The following DMD variants were observed in gnomAD, a reference collection of about 807,000 sequenced individuals.
DMD encodes the protein dystrophin.
DMD carries 63 observed loss-of-function variants against 330.1 expected under a neutral mutation model. That is an observed-to-expected ratio of 0.19 (90% CI 0.16 to 0.24). The LOEUF (loss-of-function observed/expected upper bound fraction) is 0.24, where lower values mean the gene tolerates loss of function less well. Among genes scored for constraint, DMD ranks in the 10% least tolerant of loss-of-function variants. DMD has a pLI of 1.00. For synonymous variants in DMD, 1,223 were observed against 959.8 expected (o/e 1.27, Z -5.07); for missense variants, 3,344 against 2,684.1 (o/e 1.25, Z -5.43).
At chrX:32,072,229 G>A (rs954594526) in intron 44 of DMD, among the ~76,000 whole-genome samples, 2 of 110,997 alleles carry the variant, frequency 1.8e-5, no homozygotes, top group African/African-American at 6.5e-5. Context: ...AAAACCCTTT[G>A]CTCTCCAATG....
intron 55 of DMD, among the ~76,000 whole-genome samples, chrX:31,625,767 A>C (rs887509960): frequency 5.4e-5 from 6 of 111,675 alleles, no homozygotes; most frequent in Admixed American, 3.8e-4. Flanking sequence ...GCAGATATAA[A>C]TACAAATTGT....
intron 59 of DMD, among the ~76,000 whole-genome samples, chrX:31,476,397 G>GTGTATATATATATATA (rs796082098): frequency 4.5e-5 from 4 of 88,321 alleles, no homozygotes; most frequent in African/African-American, 1.7e-4. Flanking sequence ...GTGTGTGTGT[G>GTGTATATATATATATA]TATATATATA....
At chrX:33,039,453 C>T (rs2094261249) in intron 1 of DMD, among the ~76,000 whole-genome samples, 1 of 105,340 alleles carries the variant, frequency 9.5e-6, no homozygotes, top group African/African-American at 3.4e-5. Flanking sequence ...TCAGTTTCAA[C>T]ATCACAAATT....
intron 29 of DMD, among the ~76,000 whole-genome samples, chrX:32,430,028 CT>C (rs1396359632): frequency 9.0e-6 from 1 of 110,594 alleles, no homozygotes; most frequent in African/African-American, 3.3e-5. Context: ...TTTTTTTTCA[CT>C]CTGATAATGT....
intron 4 of DMD, among the ~76,000 whole-genome samples, chrX:32,836,074 C>A (rs780015405): frequency 9.1e-6 from 1 of 110,248 alleles, no homozygotes; most frequent in East Asian, 2.9e-4. Context: ...CTCGATCCCC[C>A]AGACTAGAGT....
At chrX:31,521,115 G>A (rs760839427) in intron 55 of DMD, among the ~76,000 whole-genome samples, 5 of 111,418 alleles carry the variant, frequency 4.5e-5, no homozygotes, top group African/African-American at 1.6e-4. Flanking sequence ...ACAGATAAGA[G>A]GATGACTTTA....
intron 1 of DMD, among the ~76,000 whole-genome samples, chrX:33,092,145 T>C (rs995457177): frequency 2.7e-5 from 3 of 111,528 alleles, no homozygotes; most frequent in Non-Finnish European, 3.8e-5. Flanking sequence ...TGACCCAGTA[T>C]ATAAAAGGAT....
At chrX:32,428,418 G>A (rs954694498) in intron 29 of DMD, among the ~76,000 whole-genome samples, 8 of 111,139 alleles carry the variant, frequency 7.2e-5, no homozygotes, top group African/African-American at 2.6e-4. Context: ...ACTCTGATTT[G>A]GGGTTCTCTA....
chrX:33,059,920 A>G (rs2094562370), intron 1 of DMD, among the ~76,000 whole-genome samples: 1 of 112,196 alleles, frequency 8.9e-6, no homozygotes, highest in African/African-American at 3.2e-5. Flanking sequence ...TATCTGTTCT[A>G]CATAGATTGA....
intron 1 of DMD, among the ~76,000 whole-genome samples, chrX:33,106,964 G>A (rs1337557429): frequency 8.9e-6 from 1 of 111,868 alleles, no homozygotes; most frequent in African/African-American, 3.2e-5. Context: ...TCAGGTAGAT[G>A]TCACAGCGCA....
chrX:32,261,105 C>T (rs759687786), intron 43 of DMD, among the ~76,000 whole-genome samples: 2 of 111,627 alleles, frequency 1.8e-5, no homozygotes, highest in African/African-American at 3.3e-5. Flanking sequence ...AGTCTCTGCC[C>T]GGTTTCATTG....
At chrX:33,148,545 T>G (rs1367973597) in intron 1 of DMD, among the ~76,000 whole-genome samples, 4 of 112,112 alleles carry the variant, frequency 3.6e-5, no homozygotes, top group African/African-American at 1.3e-4. Context: ...ACAAGAATGT[T>G]TTCTAGATAT....
At chrX:32,595,976 C>T in intron 12 of DMD, 100 bp from the exon 13 acceptor site, 4 of 775,383 alleles carry the variant, frequency 5.2e-6, no homozygotes, top group Non-Finnish European at 7.8e-6. Flanking sequence ...TGCTACATCT[C>T]AGGTACTCCC....
chrX:33,064,496 T>C (rs1028635794), intron 1 of DMD, among the ~76,000 whole-genome samples: 2 of 112,329 alleles, frequency 1.8e-5, no homozygotes, highest in East Asian at 5.5e-4. Context: ...TACAGATTGT[T>C]GACACCACCG....
rs373480671 is a variant in DMD at position 32,365,177 on chromosome X, T to C, written c.4868A>G (p.Lys1623Arg). Residue 1623 changes from lysine (K) to arginine (R), a missense_variant, in exon 35 of 79, where the codon AAA becomes AGA. Coordinates refer to ENST00000357033, the MANE Select transcript of DMD (RefSeq NM_004006.3). ...WGKATQKEIE[K>R]QKVHLKSITE... is the part of the protein sequence containing the mutation. ...GATACTCTTCAGGTGCACCTTCTGTTTCTCAATCTCTTTTTGAGTAGCCTG... is the reference window on the plus strand; with the variant it reads ...GATACTCTTCAGGTGCACCTTCTGTCTCTCAATCTCTTTTTGAGTAGCCTG... 9.1e-6 allele frequency: 11 copies of C among 1,208,993 alleles called. No homozygotes were observed. The highest frequency in any genetic ancestry group is 3.0e-5 in the East Asian group (1 of 33,689).
chrX:33,304,002 C>T (rs1041875518), intron 1 of DMD, among the ~76,000 whole-genome samples: 1 of 111,095 alleles, frequency 9.0e-6, no homozygotes, highest in Non-Finnish European at 1.9e-5. Context: ...AGTGAATCTT[C>T]TGAAGTTATT....
intron 62 of DMD, among the ~76,000 whole-genome samples, chrX:31,310,708 T>A (rs1373844802): frequency 9.8e-6 from 1 of 101,612 alleles, no homozygotes; most frequent in African/African-American, 3.6e-5. Context: ...CATGCCACCA[T>A]GCCAAGGATT....
rs756259136 is a variant in DMD, at chrX:32,906,952, G to T, written c.94-57132C>A. Among the ~76,000 whole-genome samples the T allele has an allele frequency of 5.6e-4, 63 of 111,753 alleles. 1 individual carries two copies. The highest frequency in any genetic ancestry group is 7.5e-5 in the Non-Finnish European group (4 of 53,162). On this transcript the variant is annotated intron_variant, in intron 2 of 78. Coordinates refer to ENST00000357033, the MANE Select transcript of DMD (RefSeq NM_004006.3). ...CATTATATGCATAAGACATAGGTTT[G>T]GTTATTTTACATACATGTAGATGAA...
intron 61 of DMD, among the ~76,000 whole-genome samples, chrX:31,346,406 C>T (rs975835441): frequency 2.7e-5 from 3 of 111,328 alleles, no homozygotes; most frequent in African/African-American, 9.8e-5. Context: ...CATATATACT[C>T]ATATATGACC....
Sources: gnomAD v4.1 joint callset for allele counts (sites outside exome capture counted in the v4.1 genomes callset) on GRCh38, gnomAD v4.1.1 for gene constraint, MANE v1.5 for transcripts, NCBI Gene and HGNC (gene_info 2026-07-23, HGNC 2026-07-21) for gene names.